Variants in CLYBL observed in about 807,000 individuals in gnomAD.
The protein encoded by CLYBL is citramalyl-CoA lyase.
CLYBL carries 31 observed loss-of-function variants against 38.9 expected under a neutral mutation model. The observed-to-expected ratio is 0.80, with a 90% CI of 0.60 to 1.08. The LOEUF (loss-of-function observed/expected upper bound fraction) is 1.08. CLYBL is among the 50% of genes least tolerant of loss of function. The probability of loss-of-function intolerance (pLI) is 0.00; values close to 1 mark genes in which losing one functional copy is unlikely to be tolerated. For missense variants in CLYBL, 434 were observed against 411.6 expected (o/e 1.05, Z -0.47); for synonymous variants, 171 against 158.6 (o/e 1.08, Z -0.59).
At chr13:99,710,189 A>G (rs867702850) in intron 1 of CLYBL, among the ~76,000 whole-genome samples, 3 of 151,812 alleles carry the variant, frequency 2.0e-5, no homozygotes, top group Admixed American at 6.6e-5. Context: ...TGGGATTACA[A>G]GCGTGAGCCA....
intron 2 of CLYBL, among the ~76,000 whole-genome samples, chr13:99,797,276 A>G (rs934578983): frequency 6.6e-6 from 1 of 152,166 alleles, no homozygotes; most frequent in African/African-American, 2.4e-5. Flanking sequence ...TTTTTGTTAT[A>G]TGTTAGATTT....
At chr13:99,880,068 A>ATATATTTTTTTT (rs34063235) in intron 7 of CLYBL, among the ~76,000 whole-genome samples, 25 of 101,186 alleles carry the variant, frequency 2.5e-4, no homozygotes, top group African/African-American at 9.3e-4. Flanking sequence ...ATATATATAT[A>ATATATTTTTTTT]TTTTTTTTTT....
At chr13:99,868,245 C>T (rs1372598844) in intron 6 of CLYBL, among the ~76,000 whole-genome samples, 1 of 152,040 alleles carries the variant, frequency 6.6e-6, no homozygotes. Context: ...TTTCTGCATA[C>T]CAATAAGAGG....
chr13:99,869,161 C>T lies in CLYBL; in HGVS notation c.803-1777C>T, dbSNP rs2051823958. ...ACGTTCACACATTTCTAAAACCTAA[C>T]ATGTATCTTAAAATTAGCCTCATTG... On this transcript the variant is annotated intron_variant, in intron 6 of 8. Coordinates refer to ENST00000339105, the MANE Select transcript of CLYBL (RefSeq NM_206808.5). This position sits in a 1 kb window ranked among gnomAD's most constrained non-coding sequence, Gnocchi z 4.3. 6.6e-6 allele frequency among the ~76,000 whole-genome samples: 1 copy of T among 152,148 alleles called. No homozygotes were observed. The highest frequency in any genetic ancestry group is 6.5e-5 in the Admixed American group (1 of 15,282).
At chr13:99,816,127 T>C (rs1191803812) in intron 2 of CLYBL, among the ~76,000 whole-genome samples, 1 of 152,230 alleles carries the variant, frequency 6.6e-6, no homozygotes, top group Non-Finnish European at 1.5e-5. Context: ...AAATATGAAA[T>C]AGCAATTTTC....
intron 1 of CLYBL, among the ~76,000 whole-genome samples, chr13:99,719,727 C>G (rs2048367890): frequency 6.6e-6 from 1 of 152,016 alleles, no homozygotes; most frequent in African/African-American, 2.4e-5. Flanking sequence ...AGGCTGGTCT[C>G]AAACTCCTGA....
chr13:99,892,476 T>C lies in CLYBL; in HGVS notation c.*58T>C, dbSNP rs1386851558. On this transcript the variant is annotated 3_prime_UTR_variant, in exon 9 of 9. Coordinates refer to ENST00000339105, the MANE Select transcript of CLYBL (RefSeq NM_206808.5). ...GTATTGAAGCTGCAGAGGGATCAAC[T>C]TGTGCTTGCCAGAGGACGCCAATGA... is the stretch of plus-strand genomic sequence containing the variant. 1 of 152,660 alleles carries C rather than the reference T, an allele frequency of 6.6e-6. No homozygotes were observed. Among genetic ancestry groups the C allele is most frequent in the African/African-American group, 2.4e-5 (1 of 41,458 alleles). The allele number at this position is 152,660 out of a possible 1,614,324, so 9.5% of individuals were successfully genotyped here.
Position 99,836,346 on chromosome 13 carries a change from G to C in CLYBL, c.250-22515G>C, listed in dbSNP as rs566470637. Among the ~76,000 whole-genome samples, 6 of 152,320 alleles carry C rather than the reference G, an allele frequency of 3.9e-5. No homozygotes were observed. In the East Asian group the frequency reaches 1.2e-3, roughly 29 times the overall value. On this transcript the variant is annotated intron_variant, in intron 2 of 8. Transcript: ENST00000339105. ...TGGAGAGGGTGGTGACACAAAGCAG[G>C]ACAAAGCCAAGCCTCAGTTCCAGCA...
chr13:99,816,251 T>C (rs2050446119), intron 2 of CLYBL, among the ~76,000 whole-genome samples: 1 of 152,246 alleles, frequency 6.6e-6, no homozygotes, highest in Admixed American at 6.5e-5. Context: ...CTCATTTGTT[T>C]AACAAATGAG....
chr13:99,738,768 C>T (rs1478802829), intron 1 of CLYBL, among the ~76,000 whole-genome samples: 1 of 151,512 alleles, frequency 6.6e-6, no homozygotes, highest in Non-Finnish European at 1.5e-5. Flanking sequence ...GTGTGGAGCT[C>T]GATAAATTCT....
chr13:99,702,312 A>G (rs751017928), intron 1 of CLYBL, among the ~76,000 whole-genome samples: 1 of 151,688 alleles, frequency 6.6e-6, no homozygotes, highest in Non-Finnish European at 1.5e-5. Context: ...TTTTAACCTA[A>G]TTTACTTATT....
chr13:99,614,996 G>A (rs2046687128), intron 1 of CLYBL, among the ~76,000 whole-genome samples: 1 of 152,118 alleles, frequency 6.6e-6, no homozygotes, highest in South Asian at 2.1e-4. Flanking sequence ...TACTTCATTC[G>A]TCTAGAAATA....
rs71715024 is a variant in CLYBL at position 99,819,416 on chromosome 13, TTATATATATATATATATATATATATATA to T, written c.250-39420_250-39393del. Among the ~76,000 whole-genome samples the T allele has an allele frequency of 8.2e-4, 15 of 18,384 alleles. 2 individuals are homozygous for T. Among genetic ancestry groups the T allele is most frequent in the South Asian group, 8.5e-3 (2 of 236 alleles). 12.1% of individuals were successfully genotyped at this position (18,384 alleles called of 152,430 possible). ...ACTTGTATTATCACTGGGAAAAAAT[TTATATATATATATATATATATATATATA>T]TATATATATATATATATATATATAA... is the stretch of plus-strand genomic sequence containing the variant. On this transcript the variant is annotated intron_variant, in intron 2 of 8. Coordinates refer to ENST00000339105, the MANE Select transcript of CLYBL (RefSeq NM_206808.5).
At chr13:99,685,038 C>A (rs2047797301) in intron 1 of CLYBL, among the ~76,000 whole-genome samples, 2 of 152,196 alleles carry the variant, frequency 1.3e-5, no homozygotes, top group African/African-American at 4.8e-5. Context: ...CTAAGGGGGA[C>A]TTAGCAATTA....
intron 7 of CLYBL, among the ~76,000 whole-genome samples, chr13:99,881,547 C>T (rs1160508471): frequency 1.3e-5 from 2 of 151,834 alleles, no homozygotes; most frequent in African/African-American, 4.8e-5. Context: ...CTCAGCCTCC[C>T]GAGTAGCTGG....
intron 1 of CLYBL, among the ~76,000 whole-genome samples, chr13:99,693,717 G>T (rs935602078): frequency 2.6e-5 from 4 of 152,130 alleles, no homozygotes; most frequent in Non-Finnish European, 1.5e-5. Context: ...CTTTAAGGGG[G>T]ATTTGGACAA....
intron 1 of CLYBL, among the ~76,000 whole-genome samples, chr13:99,737,814 A>G (rs555668968): frequency 6.6e-6 from 1 of 152,348 alleles, no homozygotes; most frequent in South Asian, 2.1e-4. Context: ...AAGGGAGGCA[A>G]ACTGCACCAC....
At chr13:99,862,661 AC>A (rs2051634722) in intron 3 of CLYBL, among the ~76,000 whole-genome samples, 1 of 152,216 alleles carries the variant, frequency 6.6e-6, no homozygotes, top group Non-Finnish European at 1.5e-5. Context: ...TTTGCATTTA[AC>A]GAAGCGAGGG....
chr13:99,637,961 C>CTTTATTTTTTTTT (rs1566595642), intron 1 of CLYBL, among the ~76,000 whole-genome samples: 1 of 53,688 alleles, frequency 1.9e-5, no homozygotes, highest in African/African-American at 8.2e-5. Context: ...GTCAACAGTG[C>CTTTATTTTTTTTT]CTTTTTTTTT....
Sources: gnomAD v4.1 joint callset for allele counts (sites outside exome capture counted in the v4.1 genomes callset) on GRCh38, gnomAD v4.1.1 for gene constraint, Gnocchi (gnomAD v3.1) non-coding constraint, MANE v1.5 for transcripts, NCBI Gene and HGNC (gene_info 2026-07-23, HGNC 2026-07-21) for gene names.